CCBE1: variants seen among roughly 807,000 people sequenced by gnomAD.
CCBE1 encodes the protein collagen and calcium binding EGF domains 1.
CCBE1 carries 37 observed loss-of-function variants against 50.0 expected under a neutral mutation model. The ratio of observed to expected loss-of-function variants is 0.74; its 90% confidence interval spans 0.57 to 0.97. The LOEUF is 0.97. Ranked by LOEUF, CCBE1 falls within the 50% of genes least tolerant of loss-of-function variation. The pLI, the probability that CCBE1 is intolerant of heterozygous loss-of-function variation, is 0.00. For missense variants in CCBE1, 538 were observed against 523.8 expected (o/e 1.03, Z -0.26); for synonymous variants, 234 against 203.7 (o/e 1.15, Z -1.27).
intron 7 of CCBE1, among the ~76,000 whole-genome samples, chr18:59,446,528 G>A (rs999736640): frequency 1.3e-5 from 2 of 152,214 alleles, no homozygotes; most frequent in South Asian, 2.1e-4. Flanking sequence ...ATCCTGAATC[G>A]TCTTATTCTC....
chr18:59,645,883 T>C (rs1053184334), intron 2 of CCBE1, among the ~76,000 whole-genome samples: 3 of 151,990 alleles, frequency 2.0e-5, no homozygotes, highest in Admixed American at 1.3e-4. Context: ...TACAAAAAAA[T>C]AGCCGGGTGT....
intron 2 of CCBE1, among the ~76,000 whole-genome samples, chr18:59,694,401 C>T (rs1450625738): frequency 1.3e-5 from 2 of 151,152 alleles, no homozygotes; most frequent in Non-Finnish European, 2.9e-5. Flanking sequence ...TTTAGTTTAA[C>T]CTTTAGTTTA....
chr18:59,596,285 C>T (rs1273777898), intron 2 of CCBE1, among the ~76,000 whole-genome samples: 1 of 152,112 alleles, frequency 6.6e-6, no homozygotes, highest in African/African-American at 2.4e-5. Flanking sequence ...GTCCACTCAC[C>T]CTGACCCTAG....
intron 7 of CCBE1, among the ~76,000 whole-genome samples, chr18:59,446,433 G>A (rs912435874): frequency 1.3e-5 from 2 of 152,136 alleles, no homozygotes; most frequent in African/African-American, 4.8e-5. Context: ...GCAGCCAGAG[G>A]GTGCCTGTGT....
chr18:59,650,625 G>A (rs532685719), intron 2 of CCBE1, among the ~76,000 whole-genome samples: 2 of 151,404 alleles, frequency 1.3e-5, no homozygotes, highest in South Asian at 4.2e-4. Context: ...TGATGCCCTG[G>A]GAAAGCTCAC....
chr18:59,442,210 T>C (rs1910463406), intron 7 of CCBE1, among the ~76,000 whole-genome samples: 1 of 152,110 alleles, frequency 6.6e-6, no homozygotes, highest in Non-Finnish European at 1.5e-5. Flanking sequence ...TTAAACTCGG[T>C]ATAGTCTCAG....
chr18:59,522,297 A>C (rs894569918), intron 2 of CCBE1, among the ~76,000 whole-genome samples: 4 of 152,238 alleles, frequency 2.6e-5, no homozygotes, highest in Non-Finnish European at 5.9e-5. Context: ...GAAACAACGT[A>C]AGATGAAACC....
chr18:59,581,224 C>T (rs775855937), intron 2 of CCBE1, among the ~76,000 whole-genome samples: 25 of 152,194 alleles, frequency 1.6e-4, no homozygotes, highest in Non-Finnish European at 2.5e-4. Context: ...AGGCGGATCA[C>T]GAGGTCAGGA....
intron 2 of CCBE1, among the ~76,000 whole-genome samples, chr18:59,604,042 A>G (rs1212460598): frequency 1.3e-5 from 2 of 152,250 alleles, no homozygotes. Flanking sequence ...GAGAAGTTGG[A>G]AAAGGTATCT....
chr18:59,693,301 T>C (rs532288875), intron 2 of CCBE1, among the ~76,000 whole-genome samples: 195 of 152,244 alleles, frequency 1.3e-3, no homozygotes, highest in African/African-American at 4.2e-3. Flanking sequence ...AATGCAAAAT[T>C]TTTTAAATCT....
intron 2 of CCBE1, among the ~76,000 whole-genome samples, chr18:59,531,737 G>A (rs1915059347): frequency 6.6e-6 from 1 of 152,086 alleles, no homozygotes; most frequent in African/African-American, 2.4e-5. Flanking sequence ...AAGAAACCCT[G>A]TCTCAAAAAC....
chr18:59,636,610 A>G (rs1204252166), intron 2 of CCBE1, among the ~76,000 whole-genome samples: 1 of 152,242 alleles, frequency 6.6e-6, no homozygotes, highest in African/African-American at 2.4e-5. Flanking sequence ...AAGTAATGAG[A>G]GGCCTCTTTC....
Position 59,647,645 on chromosome 18 carries a change from A to G in CCBE1, c.212+48984T>C, listed in dbSNP as rs62094388. Among the ~76,000 whole-genome samples, 817 of 152,306 alleles carry G rather than the reference A, an allele frequency of 5.4e-3. 6 individuals are homozygous for G. Among genetic ancestry groups the G allele is most frequent in the Middle Eastern group, 0.02 (6 of 294 alleles). On this transcript the variant is annotated intron_variant, in intron 2 of 10. Transcript: ENST00000439986. ...CAGTCAAAGGAAATGCACGCATATT[A>G]GAACTTTCCCTCCACCTGTGAATAA... is the stretch of plus-strand genomic sequence containing the variant.
intron 3 of CCBE1, among the ~76,000 whole-genome samples, chr18:59,476,874 C>T (rs1176949323): frequency 6.6e-6 from 1 of 152,124 alleles, no homozygotes. Flanking sequence ...ATGGTTTGTC[C>T]CATAACCAGG....
intron 2 of CCBE1, among the ~76,000 whole-genome samples, chr18:59,553,067 C>T (rs1915986278): frequency 6.6e-6 from 1 of 152,106 alleles, no homozygotes; most frequent in Non-Finnish European, 1.5e-5. Flanking sequence ...TGGGATGCAC[C>T]ACCACTAGCC....
chr18:59,462,878 G>A lies in CCBE1; in HGVS notation c.553+3861C>T, dbSNP rs145543561. On this transcript the variant is annotated intron_variant, in intron 5 of 10. Transcript: ENST00000439986. ...CATGTGGGGAAATGCTGCAGTAAAC[G>A]GTGGAGATAAAATATGCCTTTAACG... Among the ~76,000 whole-genome samples, 456 of 152,198 alleles carry A rather than the reference G, an allele frequency of 3.0e-3. 1 individual carries two copies. Among genetic ancestry groups the A allele is most frequent in the African/African-American group, 0.01 (433 of 41,510 alleles).
intron 2 of CCBE1, among the ~76,000 whole-genome samples, chr18:59,643,495 CT>C (rs1253643877): frequency 6.6e-6 from 1 of 152,100 alleles, no homozygotes; most frequent in African/African-American, 2.4e-5. Context: ...GGAAATGCTT[CT>C]TTAAGTTGAA....
intron 3 of CCBE1, 86 bp downstream of exon 3, chr18:59,480,100 C>A: frequency 1.1e-6 from 1 of 924,206 alleles, no homozygotes; most frequent in Non-Finnish European, 1.8e-6. Context: ...CAGATAAGAC[C>A]TATATTCCAT....
intron 3 of CCBE1, among the ~76,000 whole-genome samples, chr18:59,477,632 T>A (rs1164608082): frequency 1.3e-5 from 2 of 152,130 alleles, no homozygotes. Context: ...TAAGATGTAG[T>A]GACTTTATAT....
Sources: allele counts gnomAD v4.1 joint callset (sites outside exome capture counted in the v4.1 genomes callset), GRCh38; gene constraint gnomAD v4.1.1; transcripts MANE v1.5; gene names NCBI Gene and HGNC (gene_info 2026-07-23, HGNC 2026-07-21).